AKAP13: variants seen among roughly 807,000 people sequenced by gnomAD.
AKAP13 encodes A-kinase anchoring protein 13.
In AKAP13, 80 loss-of-function variants were observed where a neutral mutation model predicts 264.5. The observed-to-expected ratio is 0.30, with a 90% CI of 0.25 to 0.36. The LOEUF (loss-of-function observed/expected upper bound fraction) is 0.36, where lower values mean the gene tolerates loss of function less well. Among genes scored for constraint, AKAP13 ranks in the 10% least tolerant of loss-of-function variants. The probability of loss-of-function intolerance (pLI) is 1.00; values close to 1 mark genes in which losing one functional copy is unlikely to be tolerated. For synonymous variants in AKAP13, 1,380 were observed against 1,250.2 expected (o/e 1.10, Z -2.19); for missense variants, 3,712 against 3,435.2 (o/e 1.08, Z -2.01).
At chr15:85,395,351 A>G (rs1474472982) in intron 1 of AKAP13, among the ~76,000 whole-genome samples, 1 of 151,866 alleles carries the variant, frequency 6.6e-6, no homozygotes. Flanking sequence ...TCTCTTCTTG[A>G]AATCTGAAAA....
At chr15:85,501,480 G>A (rs773089457) in intron 2 of AKAP13, among the ~76,000 whole-genome samples, 46 of 152,126 alleles carry the variant, frequency 3.0e-4, no homozygotes, top group Non-Finnish European at 4.7e-4. Context: ...TTTTTCATTT[G>A]CCATACTGTA....
intron 8 of AKAP13, among the ~76,000 whole-genome samples, chr15:85,615,869 C>T (rs1006085857): frequency 1.3e-5 from 2 of 152,148 alleles, no homozygotes; most frequent in South Asian, 2.1e-4. Context: ...TATGACCTAG[C>T]GTTGAATCTC....
chr15:85,397,228 C>T (rs2071161569), intron 1 of AKAP13, among the ~76,000 whole-genome samples: 1 of 152,062 alleles, frequency 6.6e-6, no homozygotes, highest in African/African-American at 2.4e-5. Flanking sequence ...ACAACTGATA[C>T]ATTGTTTTTC....
intron 14 of AKAP13, among the ~76,000 whole-genome samples, chr15:85,672,393 T>C (rs2083981019): frequency 6.6e-6 from 1 of 152,234 alleles, no homozygotes. Context: ...AATACATCAT[T>C]TTGGAAATGT....
At chr15:85,631,832 T>A (rs1026338625) in intron 8 of AKAP13, among the ~76,000 whole-genome samples, 4 of 152,158 alleles carry the variant, frequency 2.6e-5, no homozygotes, top group Non-Finnish European at 2.9e-5. Flanking sequence ...AGCCTGAAGT[T>A]GTTACAAAAT....
At chr15:85,385,040 C>G (rs2070482680) in intron 1 of AKAP13, among the ~76,000 whole-genome samples, 1 of 152,096 alleles carries the variant, frequency 6.6e-6, no homozygotes, top group Non-Finnish European at 1.5e-5. Flanking sequence ...GGTTTTTGAC[C>G]ATTTATGTCA....
intron 6 of AKAP13, among the ~76,000 whole-genome samples, chr15:85,576,610 A>T (rs1261608856): frequency 6.6e-6 from 1 of 152,242 alleles, no homozygotes; most frequent in Admixed American, 6.5e-5. Flanking sequence ...ACTGGACAGT[A>T]ATTTCATTTA....
At position 85,579,943 on chromosome 15, in the gene AKAP13, G is replaced by A; in HGVS notation, c.1875G>A (p.Leu625=). The change falls in exon 7 of 37, where the codon CTG becomes CTA. Residue 625 remains leucine (L), a synonymous_variant. Transcript: ENST00000394518. The part of the protein sequence containing the change: ...MSPSDLALLG[L]EEDVMPHQNS... ...CCTCAGATTTAGCCCTTCTTGGGCTGGAAGAAGATGTAATGCCACACCAGA... is the reference window on the plus strand; with the variant it reads ...CCTCAGATTTAGCCCTTCTTGGGCTAGAAGAAGATGTAATGCCACACCAGA... 6.2e-7 allele frequency: 1 copy of A among 1,614,166 alleles called. No homozygotes were observed. Among genetic ancestry groups the A allele is most frequent in the Non-Finnish European group, 8.5e-7 (1 of 1,179,994 alleles).
At chr15:85,680,733 A>G (rs977803019) in intron 14 of AKAP13, among the ~76,000 whole-genome samples, 1 of 152,196 alleles carries the variant, frequency 6.6e-6, no homozygotes, top group African/African-American at 2.4e-5. Context: ...GATAAAAATA[A>G]TAACTACAGT....
At chr15:85,384,572 C>T (rs1167735842) in intron 1 of AKAP13, among the ~76,000 whole-genome samples, 1 of 152,062 alleles carries the variant, frequency 6.6e-6, no homozygotes, top group Admixed American at 6.6e-5. Flanking sequence ...CAAAAACTAG[C>T]CCGGCAGGGT....
At position 85,572,717 on chromosome 15, in the gene AKAP13, C is replaced by T. The variant is rs192823718; in HGVS notation, c.663-2414C>T. 8.9e-4 allele frequency among the ~76,000 whole-genome samples: 136 copies of T among 152,064 alleles called. 1 individual carries two copies. Among genetic ancestry groups the T allele is most frequent in the Non-Finnish European group, 8.7e-4 (59 of 67,994 alleles). On this transcript the variant is annotated intron_variant, in intron 5 of 36. Transcript: ENST00000394518. ...TAAGTTCTGGGATGCATGTGTAGAA[C>T]GTGCAGGTTTATTACATAGGTATAC...
chr15:85,695,020 T>A (rs570660648), intron 17 of AKAP13, among the ~76,000 whole-genome samples: 1 of 152,248 alleles, frequency 6.6e-6, no homozygotes, highest in Admixed American at 6.5e-5. Flanking sequence ...CTTGACCTCC[T>A]GACATCAAGT....
At chr15:85,626,079 C>CAA (rs2081396709) in intron 8 of AKAP13, among the ~76,000 whole-genome samples, 1 of 152,192 alleles carries the variant, frequency 6.6e-6, no homozygotes, top group Non-Finnish European at 1.5e-5. Flanking sequence ...GACATTCTTT[C>CAA]CACACACAGT....
At chr15:85,656,205 CAA>C (rs2083085348) in intron 11 of AKAP13, among the ~76,000 whole-genome samples, 1 of 152,152 alleles carries the variant, frequency 6.6e-6, no homozygotes, top group Non-Finnish European at 1.5e-5. Context: ...CTTAACACAT[CAA>C]AGTCTTTCAG....
intron 10 of AKAP13, among the ~76,000 whole-genome samples, chr15:85,654,508 C>T (rs572386004): frequency 6.6e-6 from 1 of 152,100 alleles, no homozygotes; most frequent in Admixed American, 6.5e-5. Flanking sequence ...AAAGAACTAA[C>T]ATAAATTTGA....
intron 8 of AKAP13, among the ~76,000 whole-genome samples, chr15:85,586,144 G>A (rs1240094384): frequency 6.6e-6 from 1 of 151,990 alleles, no homozygotes; most frequent in Non-Finnish European, 1.5e-5. Context: ...TATCACAAAA[G>A]GGGATCTATA....
rs2086580936 is a variant in AKAP13 at position 85,710,523 on chromosome 15, C to A, written c.5533-56C>A. 8.9e-6 allele frequency: 14 copies of A among 1,567,110 alleles called. No homozygotes were observed. The South Asian group carries it at 1.0e-4, about 12-fold the overall frequency. ...AACTGCTTGCTCCCTTCCTACTCGG[C>A]TTCTCAGGGCTTGTCAGAGGTGAAT... On this transcript the variant is annotated intron_variant, in intron 18 of 36. Transcript: ENST00000394518.
intron 33 of AKAP13, among the ~76,000 whole-genome samples, chr15:85,736,656 C>T (rs1455881087): frequency 2.0e-5 from 3 of 152,106 alleles, no homozygotes; most frequent in Non-Finnish European, 4.4e-5. Context: ...CCTTAGCCTC[C>T]CAAGGTGCTG....
At position 85,579,474 on chromosome 15, in the gene AKAP13, C is replaced by T; in HGVS notation, c.1406C>T (p.Ser469Leu). 6.2e-7 allele frequency: 1 copy of T among 1,614,090 alleles called. No individual in the cohort carries two copies. Among genetic ancestry groups the T allele is most frequent in the African/African-American group, 1.3e-5 (1 of 75,014 alleles). Residue 469 changes from serine to leucine, a missense_variant, in exon 7 of 37, where the codon TCA (serine) becomes TTA (leucine). Ser to Leu is a moderately radical substitution (Grantham distance 145, BLOSUM62 -2). Coordinates refer to ENST00000394518, the MANE Select transcript of AKAP13 (RefSeq NM_007200.5). ...YSSGGELGGISTTNVSTPDTA... is the reference protein window; with the variant it reads ...YSSGGELGGILTTNVSTPDTA... ...TCTGGAGGTGAACTGGGAGGCATTT[C>T]AACAACAAATGTCAGTACCCCAGAC... is the stretch of plus-strand genomic sequence containing the variant.
Sources: gnomAD v4.1 joint callset for allele counts (sites outside exome capture counted in the v4.1 genomes callset) on GRCh38, gnomAD v4.1.1 for gene constraint, MANE v1.5 for transcripts, NCBI Gene and HGNC (gene_info 2026-07-23, HGNC 2026-07-21) for gene names.